ZDHHC17: variants seen among roughly 807,000 people sequenced by gnomAD.
The protein encoded by ZDHHC17 is zDHHC palmitoyltransferase 17.
Under a neutral mutation model 90.3 loss-of-function variants are expected in ZDHHC17, and 40 were observed. That is an observed-to-expected ratio of 0.44 (90% CI 0.34 to 0.58). The LOEUF (loss-of-function observed/expected upper bound fraction) is 0.58, where lower values mean the gene tolerates loss of function less well. ZDHHC17 is among the 20% of genes least tolerant of loss of function. ZDHHC17 has a pLI of 0.01. For synonymous variants in ZDHHC17, 235 were observed against 252.4 expected, an observed-to-expected ratio of 0.93 and a Z score of 0.65; for missense variants, 614 against 780.8, an observed-to-expected ratio of 0.79 and a Z score of 2.55.
In ZDHHC17 at chr12:76,851,183, A is replaced by G. The variant is rs944909844; in HGVS notation, c.*198A>G. 7.1e-5 allele frequency: 40 copies of G among 566,720 alleles called. No homozygotes were observed. Among genetic ancestry groups the G allele is most frequent in the Admixed American group, 2.0e-4 (5 of 25,440 alleles). The allele number at this position is 566,720 out of a possible 1,614,324, so 35.1% of individuals were successfully genotyped here. Reference sequence around the variant, plus strand: ...ACAGAACACACTGCCATTTCTGGGAAGAGTAAAGATGATAAAAAATAATTT... The same window carrying G: ...ACAGAACACACTGCCATTTCTGGGAGGAGTAAAGATGATAAAAAATAATTT... On this transcript the variant is annotated 3_prime_UTR_variant, in exon 17 of 17. Transcript: ENST00000426126.
At chr12:76,806,752 G>C (rs1035510186) in intron 3 of ZDHHC17, among the ~76,000 whole-genome samples, 3 of 152,190 alleles carry the variant, frequency 2.0e-5, no homozygotes, top group Admixed American at 6.5e-5. Context: ...AGCACAGGCA[G>C]TTCAACTACC....
At chr12:76,795,344 G>T (rs1482641595) in intron 1 of ZDHHC17, among the ~76,000 whole-genome samples, 1 of 151,870 alleles carries the variant, frequency 6.6e-6, no homozygotes, top group Non-Finnish European at 1.5e-5. Flanking sequence ...CTTTAACGTT[G>T]CACATGTCTT....
chr12:76,804,862 C>A (rs1379528092), intron 2 of ZDHHC17, among the ~76,000 whole-genome samples: 2 of 152,140 alleles, frequency 1.3e-5, no homozygotes, highest in Non-Finnish European at 2.9e-5. Context: ...CCTCTTGGTC[C>A]ATTCTTTGGG....
intron 1 of ZDHHC17, among the ~76,000 whole-genome samples, chr12:76,777,101 T>G (rs1210935094): frequency 2.0e-5 from 3 of 151,122 alleles, no homozygotes; most frequent in Non-Finnish European, 4.4e-5. Flanking sequence ...ACCAGGAAAT[T>G]AACATTGGTA....
chr12:76,773,746 G>C (rs945440786), intron 1 of ZDHHC17, among the ~76,000 whole-genome samples: 2 of 152,074 alleles, frequency 1.3e-5, no homozygotes, highest in Non-Finnish European at 2.9e-5. Context: ...TTACAATATA[G>C]TAGAAAAACT....
chr12:76,829,596 C>T (rs1296820898), intron 10 of ZDHHC17, among the ~76,000 whole-genome samples: 2 of 151,254 alleles, frequency 1.3e-5, no homozygotes, highest in Middle Eastern at 3.4e-3. Context: ...TCTAACTAAG[C>T]ATATTTTAAG....
At chr12:76,837,445 T>G (rs1953381155) in intron 10 of ZDHHC17, among the ~76,000 whole-genome samples, 1 of 152,142 alleles carries the variant, frequency 6.6e-6, no homozygotes, top group African/African-American at 2.4e-5. Flanking sequence ...CAGTAAGATA[T>G]GATTATGCCA....
At position 76,853,363 on chromosome 12, in the gene ZDHHC17, A is replaced by T. The variant is rs1262238384; in HGVS notation, c.*2378A>T. ...TGGTGAACCTTTGGGAATAGTTCTT[A>T]TCAACTTAATTGGATACTTTTAGCA... On this transcript the variant is annotated 3_prime_UTR_variant, in exon 17 of 17. Coordinates refer to ENST00000426126, the MANE Select transcript of ZDHHC17 (RefSeq NM_015336.4). 6.6e-6 allele frequency: 1 copy of T among 152,608 alleles called. No homozygotes were observed. Among genetic ancestry groups the T allele is most frequent in the Non-Finnish European group, 1.5e-5 (1 of 68,004 alleles). 9.5% of individuals were successfully genotyped at this position (152,608 alleles called of 1,614,324 possible).
intron 5 of ZDHHC17, chr12:76,813,267 G>A (rs1029825947): frequency 1.7e-5 from 7 of 408,882 alleles, no homozygotes; most frequent in Non-Finnish European, 3.4e-5. Flanking sequence ...TAAGAAATAA[G>A]GAAGTTTGTT....
intron 1 of ZDHHC17, among the ~76,000 whole-genome samples, chr12:76,778,052 T>C (rs1193379029): frequency 6.6e-6 from 1 of 152,144 alleles, no homozygotes; most frequent in Admixed American, 6.6e-5. Context: ...GATTGGCTAG[T>C]TTAAAGCAAA....
rs1953176811 is a variant in ZDHHC17 at position 76,822,539 on chromosome 12, CAT to C, written c.897+10_897+11del. ...AAGCTGAAAGCTGATAAGGTAAACT[CAT>C]AACTGAAGATTTTTTTTTTTTTTTT... On this transcript the variant is annotated intron_variant, in intron 8 of 16. Transcript: ENST00000426126. 7.1e-7 allele frequency: 1 copy of C among 1,410,420 alleles called. No homozygotes were observed. Among genetic ancestry groups the C allele is most frequent in the African/African-American group, 1.5e-5 (1 of 68,126 alleles). 87.4% of individuals were successfully genotyped at this position (1,410,420 alleles called of 1,614,324 possible). A position where few individuals can be genotyped will look rare whatever the true frequency, so the allele number is the denominator to read the frequency against.
intron 1 of ZDHHC17, among the ~76,000 whole-genome samples, chr12:76,772,712 T>C (rs997253595): frequency 6.7e-6 from 1 of 149,810 alleles, no homozygotes; most frequent in Non-Finnish European, 1.5e-5. Context: ...CTTTTGTATT[T>C]TTTTTTTTTT....
Position 76,787,617 on chromosome 12 carries a change from C to CCTCTCT in ZDHHC17, c.94-9798_94-9793dup, listed in dbSNP as rs3044465. Among the ~76,000 whole-genome samples, 444 of 149,072 alleles carry CCTCTCT rather than the reference C, an allele frequency of 3.0e-3. 2 individuals carry two copies. The highest frequency in any genetic ancestry group is 0.01 in the African/African-American group (423 of 40,470). On this transcript the variant is annotated intron_variant, in intron 1 of 16. Transcript: ENST00000426126. ...AGTGAAAACACACACTCTGTCTCTCCCTCTCTCTCTCTCTCTCTCTCTCTG... is the reference window on the plus strand; with the variant it reads ...AGTGAAAACACACACTCTGTCTCTCCCTCTCTCTCTCTCTCTCTCTCTCTCTCTCTG...
At chr12:76,798,454 T>G (rs1206444428) in intron 2 of ZDHHC17, among the ~76,000 whole-genome samples, 2 of 152,040 alleles carry the variant, frequency 1.3e-5, no homozygotes, top group Non-Finnish European at 2.9e-5. Flanking sequence ...TTCATGCCTG[T>G]AATCCTAAAA....
intron 7 of ZDHHC17, among the ~76,000 whole-genome samples, chr12:76,816,961 G>T (rs1953095745): frequency 6.6e-6 from 1 of 151,914 alleles, no homozygotes; most frequent in Admixed American, 6.6e-5. Flanking sequence ...TAACAAAAGT[G>T]ATCAGAATAG....
At chr12:76,833,357 TTA>T (rs754621338) in intron 10 of ZDHHC17, among the ~76,000 whole-genome samples, 90 of 152,212 alleles carry the variant, frequency 5.9e-4, no homozygotes, top group Non-Finnish European at 1.0e-3. Context: ...TGGGAAATTA[TTA>T]AGAGTTTGGT....
At chr12:76,775,641 A>G (rs1026879134) in intron 1 of ZDHHC17, among the ~76,000 whole-genome samples, 2 of 152,322 alleles carry the variant, frequency 1.3e-5, no homozygotes, top group East Asian at 1.9e-4. Flanking sequence ...TCTTAGTGGT[A>G]CATACAATAA....
At position 76,807,557 on chromosome 12, in the gene ZDHHC17, G is replaced by A. The variant is rs545562202; in HGVS notation, c.321-1486G>A. Reference sequence around the variant, plus strand: ...TTGAGCTAAGGTCTTATAGCTACACGAAATAACATGTTATAAAAATATAAT... The same window carrying A: ...TTGAGCTAAGGTCTTATAGCTACACAAAATAACATGTTATAAAAATATAAT... On this transcript the variant is annotated intron_variant, in intron 3 of 16. Coordinates refer to ENST00000426126, the MANE Select transcript of ZDHHC17 (RefSeq NM_015336.4). Among the ~76,000 whole-genome samples, 426 of 152,196 alleles carry A rather than the reference G, an allele frequency of 2.8e-3. 1 individual carries two copies. Among genetic ancestry groups the A allele is most frequent in the Middle Eastern group, 0.01 (3 of 292 alleles).
chr12:76,809,132 C>A lies in ZDHHC17; in HGVS notation c.398+12C>A. On this transcript the variant is annotated intron_variant, in intron 4 of 16. Coordinates refer to ENST00000426126, the MANE Select transcript of ZDHHC17 (RefSeq NM_015336.4). The stretch of plus-strand genomic sequence containing the variant: ...CACTGGGCCACAAGGTTTAAATTTG[C>A]TTCTGGATTTTTTTCCTTTGGTTCC... The A allele has an allele frequency of 6.6e-7, 1 of 1,521,610 alleles. No individual in the cohort carries two copies. Among genetic ancestry groups the A allele is most frequent in the Non-Finnish European group, 8.8e-7 (1 of 1,139,356 alleles). 94.3% of individuals were successfully genotyped at this position (1,521,610 alleles called of 1,614,324 possible). A position where few individuals can be genotyped will look rare whatever the true frequency, so the allele number is the denominator to read the frequency against.
Sources: allele counts gnomAD v4.1 joint callset (sites outside exome capture counted in the v4.1 genomes callset), GRCh38; gene constraint gnomAD v4.1.1; transcripts MANE v1.5; gene names NCBI Gene and HGNC (gene_info 2026-07-23, HGNC 2026-07-21).